Variants in CDH23 observed in about 807,000 individuals in gnomAD.
CDH23 encodes cadherin related 23.
Under a neutral mutation model 317.1 loss-of-function variants are expected in CDH23, and 189 were observed. The ratio of observed to expected loss-of-function variants is 0.60; its 90% CI spans 0.53 to 0.67. CDH23 has a LOEUF of 0.67. CDH23 is among the 30% of genes least tolerant of loss of function. The pLI is 0.00. For synonymous variants in CDH23, 1,839 were observed against 1,876.8 expected (o/e 0.98, Z 0.52); for missense variants, 4,401 against 4,592.4 (o/e 0.96, Z 1.20).
At chr10:71,510,359 G>C (rs956910839) in intron 4 of CDH23, 135 bp downstream of exon 4, 1 of 1,007,262 alleles carries the variant, frequency 9.9e-7, no homozygotes, top group Non-Finnish European at 1.5e-6. Context: ...CTTCCTGCCT[G>C]AATGGTATTC....
chr10:71,748,212 A>C (rs1303611058), intron 38 of CDH23: 1 of 151,498 alleles, frequency 6.6e-6, no homozygotes, highest in African/African-American at 2.4e-5. Context: ...TCCCAAGTCC[A>C]CCCCGCGAGG....
At chr10:71,750,498 C>G (rs1839969250) in intron 38 of CDH23, 1 of 152,322 alleles carries the variant, frequency 6.6e-6, no homozygotes, top group South Asian at 2.1e-4. Context: ...CCACCCACCT[C>G]CCTCAGCACC....
intron 55 of CDH23, among the ~76,000 whole-genome samples, chr10:71,805,447 C>G (rs1233462011): frequency 2.0e-5 from 3 of 152,196 alleles, no homozygotes; most frequent in Non-Finnish European, 2.9e-5. Context: ...GTGGCTGTGG[C>G]CTCAGCACTT....
At chr10:71,570,344 G>A (rs1423815037) in intron 7 of CDH23, among the ~76,000 whole-genome samples, 5 of 152,214 alleles carry the variant, frequency 3.3e-5, no homozygotes, top group Non-Finnish European at 7.3e-5. Flanking sequence ...TGGGATGAGT[G>A]GGGGCAGGAA....
In CDH23 at chr10:71,751,305, G is replaced by A. The variant is rs1564774604; in HGVS notation, c.4845+9384G>A. On this transcript the variant is annotated intron_variant, in intron 38 of 69. Transcript: ENST00000224721. This position sits in a 1 kb window ranked among gnomAD's most constrained non-coding sequence, Gnocchi z 4.9. ...AGGGACAGGGTCTGCAAGAAAAGGAGAAGCAAAGTGAACGGGGCCCCTCTG... is the reference window on the plus strand; with the variant it reads ...AGGGACAGGGTCTGCAAGAAAAGGAAAAGCAAAGTGAACGGGGCCCCTCTG... The A allele has an allele frequency of 1.9e-6, 3 of 1,608,604 alleles. No individual in the cohort carries two copies. Among genetic ancestry groups the A allele is most frequent in the Non-Finnish European group, 2.5e-6 (3 of 1,177,096 alleles).
At chr10:71,813,181 TG>T in intron 68 of CDH23, 62 bp from the exon 69 acceptor site, 1 of 1,446,334 alleles carries the variant, frequency 6.9e-7, no homozygotes, top group Non-Finnish European at 9.5e-7. Flanking sequence ...CCAGAGGGAG[TG>T]GGCGAGGGGC....
At chr10:71,613,431 G>A (rs1564687938) in intron 9 of CDH23, among the ~76,000 whole-genome samples, 2 of 152,224 alleles carry the variant, frequency 1.3e-5, no homozygotes, top group African/African-American at 4.8e-5. Flanking sequence ...CCCCATGTTA[G>A]AGATTCCGAA....
chr10:71,669,169 G>A (rs1037057044), intron 14 of CDH23, among the ~76,000 whole-genome samples: 3 of 152,158 alleles, frequency 2.0e-5, no homozygotes, highest in African/African-American at 7.2e-5. Flanking sequence ...GGCTGATGGG[G>A]AGGCAGAGGC....
intron 17 of CDH23, among the ~76,000 whole-genome samples, chr10:71,682,153 C>T (rs1028304893): frequency 2.0e-5 from 3 of 152,246 alleles, no homozygotes; most frequent in African/African-American, 4.8e-5. Context: ...CTGTTGAGAG[C>T]TGTGTGACCT....
At chr10:71,500,694 A>C (rs1853242706) in intron 3 of CDH23, among the ~76,000 whole-genome samples, 1 of 152,182 alleles carries the variant, frequency 6.6e-6, no homozygotes, top group East Asian at 1.9e-4. Context: ...TTGTGGAATG[A>C]GAAAGACTTG....
At chr10:71,481,737 C>A (rs758723978) in intron 3 of CDH23, among the ~76,000 whole-genome samples, 14 of 152,240 alleles carry the variant, frequency 9.2e-5, no homozygotes, top group Non-Finnish European at 1.8e-4. Context: ...ACAATTCCAT[C>A]CTGAGCCAAG....
Position 71,566,794 on chromosome 10 carries a change from T to C in CDH23, c.482T>C (p.Leu161Ser). 2 of 1,612,906 alleles carry C rather than the reference T, an allele frequency of 1.2e-6. No homozygotes were observed. Among genetic ancestry groups the C allele is most frequent in the Non-Finnish European group, 1.7e-6 (2 of 1,179,022 alleles). The change falls in exon 7 of 70, where the codon TTG (leucine) becomes TCG (serine). Residue 161 changes from leucine (L) to serine (S), a missense_variant. This residue lies in a region of CDH23 where 3,068 missense variants were observed against 3,203.3 expected (regional missense o/e 0.96). Transcript: ENST00000224721. ...ATCGTGAATGCCACAGACCCCGACTTGGGGGCAGGGGGCAGCGTCCTCTAC... is the reference window on the plus strand; with the variant it reads ...ATCGTGAATGCCACAGACCCCGACTCGGGGGCAGGGGGCAGCGTCCTCTAC... ...IFIVNATDPD[L>S]GAGGSVLYSF...
chr10:71,716,293 G>T, intron 28 of CDH23: 1 of 1,520,250 alleles, frequency 6.6e-7, no homozygotes, highest in Non-Finnish European at 8.9e-7. Context: ...AGGCGAGGGG[G>T]CTGATGGCTG....
intron 28 of CDH23, chr10:71,713,345 T>A (rs1309769994): frequency 3.9e-6 from 3 of 770,968 alleles, no homozygotes; most frequent in Non-Finnish European, 7.2e-6. Context: ...CACCCACACC[T>A]CTGCCCAGAG....
chr10:71,722,506 C>T (rs984513012), intron 28 of CDH23, among the ~76,000 whole-genome samples: 1 of 152,248 alleles, frequency 6.6e-6, no homozygotes, highest in Non-Finnish European at 1.5e-5. Flanking sequence ...AAGTCGTTCA[C>T]ATATTTGACC....
At chr10:71,646,014 G>A in intron 13 of CDH23, 34 bp downstream of exon 13, 1 of 1,596,986 alleles carries the variant, frequency 6.3e-7, no homozygotes, top group South Asian at 1.1e-5. Flanking sequence ...TTGGAGTGGG[G>A]TGGGGGGTGG....
intron 3 of CDH23, among the ~76,000 whole-genome samples, chr10:71,467,114 G>C (rs911354448): frequency 6.6e-6 from 1 of 152,058 alleles, no homozygotes; most frequent in Non-Finnish European, 1.5e-5. Flanking sequence ...GGAGGGGCTG[G>C]GCACAAGGCA....
Position 71,687,701 on chromosome 10 carries a change from G to C in CDH23, c.2041G>C (p.Val681Leu), listed in dbSNP as rs763957277. The change falls in exon 19 of 70, where the codon GTG (valine) becomes CTG (leucine). Residue 681 changes from valine (V) to leucine (L), a missense_variant. Transcript: ENST00000224721. ...FSKPAYFVSV[V>L]ENIMAGATVL... ...CAAGCCCGCCTACTTCGTCTCCGTG[G>C]TGGAGAACATCATGGCAGGTACAGG... 1.9e-5 allele frequency: 30 copies of C among 1,613,846 alleles called. No homozygotes were observed. The highest frequency in any genetic ancestry group is 2.5e-5 in the Non-Finnish European group (30 of 1,179,864).
intron 11 of CDH23, among the ~76,000 whole-genome samples, chr10:71,633,944 C>A (rs1205718698): frequency 1.3e-5 from 2 of 152,214 alleles, no homozygotes; most frequent in East Asian, 1.9e-4. Flanking sequence ...GAATACAAAG[C>A]GGTGTGATTA....
Sources: allele counts gnomAD v4.1 joint callset (sites outside exome capture counted in the v4.1 genomes callset), GRCh38; gene constraint gnomAD v4.1.1; regional missense constraint gnomAD v4.1.1; non-coding constraint Gnocchi (gnomAD v3.1); transcripts MANE v1.5; gene names NCBI Gene and HGNC (gene_info 2026-07-23, HGNC 2026-07-21).